The following ADGRL3 variants were observed in gnomAD, a reference collection of about 807,000 sequenced individuals.
The protein encoded by ADGRL3 is calcium-independent alpha-latrotoxin receptor 3.
In ADGRL3, 62 loss-of-function variants were observed where a neutral mutation model predicts 153.5. The ratio of observed to expected loss-of-function variants is 0.40; its 90% confidence interval spans 0.33 to 0.50. The LOEUF (loss-of-function observed/expected upper bound fraction) is 0.50. Ranked by LOEUF, ADGRL3 falls within the 20% of genes least tolerant of loss-of-function variation. ADGRL3 has a pLI of 0.47. For synonymous variants in ADGRL3, 710 were observed against 672.5 expected (o/e 1.06, Z -0.86); for missense variants, 1,641 against 1,859.4 (o/e 0.88, Z 2.16).
rs181349759 is a variant in ADGRL3 at position 61,295,453 on chromosome 4, A to T, written c.-239-87671A>T. ...TTTGGCATTTGCTGGGAGTCTTGGA[A>T]CACAGTCCCTGTGAATCGAGGGGGA... is the stretch of plus-strand genomic sequence containing the variant. On this transcript the variant is annotated intron_variant, in intron 1 of 26. Coordinates refer to ENST00000683033, the MANE Select transcript of ADGRL3 (RefSeq NM_001387552.1). Among the ~76,000 whole-genome samples, 71 of 152,230 alleles carry T rather than the reference A, an allele frequency of 4.7e-4. 2 individuals are homozygous for T. The highest frequency in any genetic ancestry group is 1.9e-3 in the Admixed American group (29 of 15,268).
chr4:61,722,377 A>G (rs989953475), intron 6 of ADGRL3, among the ~76,000 whole-genome samples: 2 of 152,144 alleles, frequency 1.3e-5, no homozygotes, highest in Non-Finnish European at 2.9e-5. Flanking sequence ...ACAAAACCCA[A>G]CAAGACATTC....
chr4:61,713,555 A>G (rs1352419780), intron 6 of ADGRL3, among the ~76,000 whole-genome samples: 10 of 152,064 alleles, frequency 6.6e-5, no homozygotes. Context: ...GTAAATCAGT[A>G]AATGAAAGTA....
chr4:61,783,968 T>A (rs1234202004), intron 8 of ADGRL3, among the ~76,000 whole-genome samples: 1 of 152,090 alleles, frequency 6.6e-6, no homozygotes, highest in African/African-American at 2.4e-5. Flanking sequence ...AAAATGCAAC[T>A]TTTATGACTT....
At chr4:61,967,976 G>T (rs1022423473) in intron 17 of ADGRL3, among the ~76,000 whole-genome samples, 1 of 152,096 alleles carries the variant, frequency 6.6e-6, no homozygotes, top group African/African-American at 2.4e-5. Context: ...AGAGAATAAG[G>T]GTGCTAAAGA....
chr4:61,861,108 CT>C (rs1227406726), intron 9 of ADGRL3, among the ~76,000 whole-genome samples: 1 of 152,144 alleles, frequency 6.6e-6, no homozygotes, highest in Non-Finnish European at 1.5e-5. Context: ...ATTGTGTCCA[CT>C]TGTTTATTAA....
chr4:61,565,087 A>G (rs1280203088), intron 4 of ADGRL3, among the ~76,000 whole-genome samples: 1 of 152,222 alleles, frequency 6.6e-6, no homozygotes, highest in Admixed American at 6.5e-5. Flanking sequence ...GGTAGTGAGC[A>G]CATGCCATTG....
rs2098928170 is a variant in ADGRL3 at position 61,947,095 on chromosome 4, T to A, written c.2601T>A (p.Pro867=). Residue 867 remains proline, a synonymous_variant, in exon 16 of 27, where the codon CCT becomes CCA. Coordinates refer to ENST00000683033, the MANE Select transcript of ADGRL3 (RefSeq NM_001387552.1). Reference sequence around the variant, plus strand: ...GTAACAAGGTTTATTTGGCTGATCCTGTGGTATTTACTGTTAAACATATCA... The same window carrying A: ...GTAACAAGGTTTATTTGGCTGATCCAGTGGTATTTACTGTTAAACATATCA... ...EFSNKVYLAD[P]VVFTVKHIKQ... 6.2e-7 allele frequency: 1 copy of A among 1,613,814 alleles called. No individual in the cohort carries two copies. The highest frequency in any genetic ancestry group is 8.5e-7 in the Non-Finnish European group (1 of 1,179,740).
chr4:61,900,423 G>A (rs910147376), intron 11 of ADGRL3, among the ~76,000 whole-genome samples: 3 of 152,176 alleles, frequency 2.0e-5, no homozygotes, highest in South Asian at 4.1e-4. Flanking sequence ...TAAATTCTGT[G>A]TGACACTAAA....
intron 25 of ADGRL3, among the ~76,000 whole-genome samples, chr4:62,053,068 G>A (rs1010667135): frequency 8.6e-5 from 13 of 151,420 alleles, no homozygotes; most frequent in African/African-American, 3.1e-4. Flanking sequence ...CATAAAGGTT[G>A]TGATGATATA....
At chr4:61,395,339 A>T (rs1025022856) in intron 2 of ADGRL3, among the ~76,000 whole-genome samples, 1 of 152,010 alleles carries the variant, frequency 6.6e-6, no homozygotes, top group East Asian at 1.9e-4. Flanking sequence ...AATGTATTAT[A>T]AAAACCTTTG....
At chr4:61,742,251 A>G (rs112579299) in intron 8 of ADGRL3, among the ~76,000 whole-genome samples, 1,754 of 151,912 alleles carry the variant, frequency 0.012, 53 homozygotes, top group African/African-American at 0.04. Context: ...TTAACCTTTT[A>G]TTATTATTAT....
At chr4:61,826,135 T>C (rs2097798072) in intron 9 of ADGRL3, among the ~76,000 whole-genome samples, 1 of 152,184 alleles carries the variant, frequency 6.6e-6, no homozygotes, top group Non-Finnish European at 1.5e-5. Flanking sequence ...AAAAAAATTA[T>C]TGATTAAACA....
At chr4:61,787,178 A>G (rs1378550499) in intron 8 of ADGRL3, among the ~76,000 whole-genome samples, 1 of 152,146 alleles carries the variant, frequency 6.6e-6, no homozygotes, top group Non-Finnish European at 1.5e-5. Context: ...TAACATCACA[A>G]TTGAAGGTAT....
At chr4:61,724,817 G>T (rs1056155951) in intron 6 of ADGRL3, among the ~76,000 whole-genome samples, 1 of 152,118 alleles carries the variant, frequency 6.6e-6, no homozygotes, top group Non-Finnish European at 1.5e-5. Flanking sequence ...CTTGGTAGAA[G>T]TGAAATGGAA....
At chr4:61,493,728 T>C (rs2098281848) in intron 2 of ADGRL3, among the ~76,000 whole-genome samples, 1 of 152,198 alleles carries the variant, frequency 6.6e-6, no homozygotes, top group Non-Finnish European at 1.5e-5. Flanking sequence ...CTCTTCACAA[T>C]CAAATAATGT....
At chr4:61,997,110 G>A (rs2099124297) in intron 20 of ADGRL3, among the ~76,000 whole-genome samples, 2 of 152,218 alleles carry the variant, frequency 1.3e-5, no homozygotes, top group South Asian at 4.1e-4. Flanking sequence ...ACTTTGGAAA[G>A]ATAATGTGGT....
chr4:62,037,800 G>A lies in ADGRL3; in HGVS notation c.3661G>A (p.Gly1221Ser), dbSNP rs756510289. The change falls in exon 24 of 27, where the codon GGT becomes AGT. Residue 1221 changes from glycine to serine, a missense_variant. Around this residue, in one of 5 missense-constraint regions of ADGRL3, gnomAD observed 517 missense variants for 555.0 expected, o/e 0.93. Transcript: ENST00000683033. ...TGGCAAAAGTACAGAGAGTTCCATTGGTTCAGGGAAAACATCTGGTTCTCG... is the reference window on the plus strand; with the variant it reads ...TGGCAAAAGTACAGAGAGTTCCATTAGTTCAGGGAAAACATCTGGTTCTCG... ...CSGKSTESSI[G>S]SGKTSGSRTP... 6.8e-6 allele frequency: 11 copies of A among 1,613,570 alleles called. No individual in the cohort carries two copies. The African/African-American group carries it at 1.5e-4, about 22-fold the overall frequency.
chr4:61,785,094 A>G (rs2097261951), intron 8 of ADGRL3, among the ~76,000 whole-genome samples: 1 of 152,140 alleles, frequency 6.6e-6, no homozygotes, highest in South Asian at 2.1e-4. Flanking sequence ...GATAGGATTG[A>G]TAGGTGGCTA....
chr4:61,629,283 A>T (rs2093011011), intron 5 of ADGRL3, among the ~76,000 whole-genome samples: 1 of 152,136 alleles, frequency 6.6e-6, no homozygotes, highest in African/African-American at 2.4e-5. Context: ...CAATGTAGTG[A>T]GAGTAATTAC....
Sources: allele counts gnomAD v4.1 joint callset (sites outside exome capture counted in the v4.1 genomes callset), GRCh38; gene constraint gnomAD v4.1.1; regional missense constraint gnomAD v4.1.1; transcripts MANE v1.5; gene names NCBI Gene and HGNC (gene_info 2026-07-23, HGNC 2026-07-21).